Variants in LRP2 observed in about 807,000 individuals in gnomAD.
LRP2 encodes LDL receptor related protein 2, also known as low-density lipoprotein receptor-related protein 2.
A neutral mutation model predicts 531.0 loss-of-function variants in LRP2; 172 were observed. That is an observed-to-expected ratio of 0.32 (90% CI 0.29 to 0.37). LRP2 has a LOEUF of 0.37. Among genes scored for constraint, LRP2 ranks in the 10% least tolerant of loss-of-function variants. The probability of loss-of-function intolerance (pLI) is 1.00; values close to 1 mark genes in which losing one functional copy is unlikely to be tolerated. For synonymous variants in LRP2, 1,992 were observed against 2,027.6 expected, an observed-to-expected ratio of 0.98 and a Z score of 0.47; for missense variants, 5,167 against 5,868.3, an observed-to-expected ratio of 0.88 and a Z score of 3.90.
At chr2:169,211,520 A>G (rs948438502) in intron 37 of LRP2, among the ~76,000 whole-genome samples, 2 of 152,224 alleles carry the variant, frequency 1.3e-5, no homozygotes, top group Admixed American at 1.3e-4. Flanking sequence ...ACCATATTAA[A>G]TAGTAGTATA....
intron 3 of LRP2, among the ~76,000 whole-genome samples, chr2:169,309,058 T>G (rs1016563646): frequency 1.3e-5 from 2 of 152,234 alleles, no homozygotes; most frequent in African/African-American, 4.8e-5. Context: ...TTGCCCACTT[T>G]TTGATGGGGT....
At chr2:169,323,407 C>A (rs760369155) in intron 1 of LRP2, among the ~76,000 whole-genome samples, 24 of 152,140 alleles carry the variant, frequency 1.6e-4, no homozygotes, top group Admixed American at 6.5e-5. Flanking sequence ...GAAGCTCATT[C>A]TCTCATAAAG....
At position 169,212,956 on chromosome 2, in the gene LRP2, AAATT is replaced by A. The variant is rs1461525183; in HGVS notation, c.6040+697_6040+700del. Among the ~76,000 whole-genome samples, 5 of 151,504 alleles carry A rather than the reference AAATT, an allele frequency of 3.3e-5. 1 individual carries two copies. Among genetic ancestry groups the A allele is most frequent in the Admixed American group, 3.3e-4 (5 of 15,262 alleles). The stretch of plus-strand genomic sequence containing the variant: ...AAAGAATATTCTTTATAGTAATAAA[AAATT>A]AATTTCTATTGCATGTGTTTCTTTC... On this transcript the variant is annotated intron_variant, in intron 36 of 78. Transcript: ENST00000649046.
Position 169,318,875 on chromosome 2 carries a change from G to C in LRP2, c.197C>G (p.Thr66Ser). The C allele has an allele frequency of 6.2e-7, 1 of 1,614,076 alleles. No individual in the cohort carries two copies. The highest frequency in any genetic ancestry group is 8.5e-7 in the Non-Finnish European group (1 of 1,179,990). Residue 66 changes from threonine to serine, a missense_variant, in exon 3 of 79, where the codon ACC becomes AGC. By Grantham distance (58) the Thr-to-Ser change is moderately conservative. Around this residue, in one of 6 missense-constraint regions of LRP2, gnomAD observed 2,811 missense variants for 3,058.0 expected, o/e 0.92. Transcript: ENST00000649046. ...DADEIGCAVV[T>S]CQQGYFKCQS... ...GCACTTGAAATAGCCCTGCTGGCAG[G>C]TCACAACAGCTAAAACAAACCAAAA...
chr2:169,241,112 A>G lies in LRP2; in HGVS notation c.3921T>C (p.Thr1307=). ...GCCAACTAGGACAGCGAAAGGGCTG[A>G]GTAGGGCAGTCCTTCTCATCACTCA... ...GDMSDEKDCP[T]QPFRCPSWQW... The change falls in exon 25 of 79, where the codon ACT becomes ACC. Residue 1307 remains threonine (T), a synonymous_variant. Coordinates refer to ENST00000649046, the MANE Select transcript of LRP2 (RefSeq NM_004525.3). The G allele has an allele frequency of 6.2e-7, 1 of 1,614,016 alleles. No individual in the cohort carries two copies. Among genetic ancestry groups the G allele is most frequent in the Non-Finnish European group, 8.5e-7 (1 of 1,179,938 alleles).
chr2:169,272,317 G>T (rs142181317), intron 15 of LRP2, among the ~76,000 whole-genome samples: 13 of 152,186 alleles, frequency 8.5e-5, no homozygotes, highest in African/African-American at 3.1e-4. Context: ...AACCTTCAAG[G>T]TAAGAATGAA....
intron 28 of LRP2, 127 bp from the exon 29 acceptor site, chr2:169,236,195 A>T: frequency 1.3e-6 from 1 of 771,566 alleles, no homozygotes; most frequent in Admixed American, 2.1e-5. Flanking sequence ...TTCAGAATAT[A>T]TTCACAGAGT....
At chr2:169,313,464 G>A (rs1045880275) in intron 3 of LRP2, among the ~76,000 whole-genome samples, 20 of 152,150 alleles carry the variant, frequency 1.3e-4, no homozygotes, top group Non-Finnish European at 2.8e-4. Context: ...GTTGGAGTTT[G>A]CTGGAGGTCC....
intron 54 of LRP2, among the ~76,000 whole-genome samples, chr2:169,176,088 C>T (rs939060400): frequency 2.6e-5 from 4 of 152,218 alleles, no homozygotes; most frequent in African/African-American, 4.8e-5. Flanking sequence ...AATTCTATTA[C>T]TTCTAGGGAC....
chr2:169,294,160 C>G lies in LRP2; in HGVS notation c.640G>C (p.Glu214Gln). 1 of 1,608,620 alleles carries G rather than the reference C, an allele frequency of 6.2e-7. No homozygotes were observed. The highest frequency in any genetic ancestry group is 8.5e-7 in the Non-Finnish European group (1 of 1,175,076). ...HDNDCQDGSD[E>Q]HACNYPTCGG... The stretch of plus-strand genomic sequence containing the variant: ...GAAATCACCGTACTGCAAGCATGTT[C>G]GTCACTGCCGTCTTGGCAATCATTG... The change falls in exon 6 of 79, where the codon GAA becomes CAA. Residue 214 changes from glutamate to glutamine, a missense_variant. Coordinates refer to ENST00000649046, the MANE Select transcript of LRP2 (RefSeq NM_004525.3).
chr2:169,225,889 G>A (rs1689184231), intron 32 of LRP2, among the ~76,000 whole-genome samples: 1 of 152,116 alleles, frequency 6.6e-6, no homozygotes, highest in African/African-American at 2.4e-5. Flanking sequence ...TGACCTCTGA[G>A]GAAGAGAACT....
intron 65 of LRP2, among the ~76,000 whole-genome samples, chr2:169,155,794 A>G (rs1388218787): frequency 2.0e-5 from 3 of 152,218 alleles, no homozygotes; most frequent in Admixed American, 1.3e-4. Context: ...GTCCATGAAC[A>G]ATACAAAAGG....
At chr2:169,245,598 A>C (rs1234599326) in intron 21 of LRP2, among the ~76,000 whole-genome samples, 2 of 152,062 alleles carry the variant, frequency 1.3e-5, no homozygotes, top group African/African-American at 4.8e-5. Flanking sequence ...ACTGTCCTCT[A>C]TCTTTTTTTT....
chr2:169,327,482 A>G (rs1462563138), intron 1 of LRP2, among the ~76,000 whole-genome samples: 4 of 73,662 alleles, frequency 5.4e-5, no homozygotes, highest in Admixed American at 2.8e-4. Flanking sequence ...TCTGGGAGGG[A>G]GGTGGGGGGG....
At chr2:169,316,066 C>T (rs1645916336) in intron 3 of LRP2, among the ~76,000 whole-genome samples, 1 of 150,034 alleles carries the variant, frequency 6.7e-6, no homozygotes, top group Non-Finnish European at 1.5e-5. Flanking sequence ...CATTTGAGCC[C>T]AGGAGGTCAA....
intron 1 of LRP2, among the ~76,000 whole-genome samples, chr2:169,345,508 G>A (rs1242356542): frequency 2.0e-5 from 3 of 152,106 alleles, no homozygotes; most frequent in Admixed American, 2.0e-4. Context: ...GGAGGGTGTG[G>A]CCACAAAGGA....
intron 77 of LRP2, among the ~76,000 whole-genome samples, chr2:169,130,491 TTGGCCAGGTTGGTCTTGAACTCCTGA>T (rs1685245790): frequency 6.6e-6 from 1 of 152,166 alleles, no homozygotes; most frequent in Admixed American, 6.5e-5. Flanking sequence ...TTTCACTATG[TTGGCCAGGTTGGTCTTGAACTCCTGA>T]TGTCATGATC....
At chr2:169,348,854 A>G (rs1685767188) in intron 1 of LRP2, among the ~76,000 whole-genome samples, 1 of 152,150 alleles carries the variant, frequency 6.6e-6, no homozygotes, top group Non-Finnish European at 1.5e-5. Flanking sequence ...CGAGAGAAAC[A>G]GCGTTGCTAA....
chr2:169,163,149 G>C (rs1310504972), intron 62 of LRP2, among the ~76,000 whole-genome samples: 2 of 152,162 alleles, frequency 1.3e-5, no homozygotes, highest in African/African-American at 2.4e-5. Flanking sequence ...ATCATGTTAT[G>C]CAAAGTCAAA....
Sources: gnomAD v4.1 joint callset for allele counts (sites outside exome capture counted in the v4.1 genomes callset) on GRCh38, gnomAD v4.1.1 for gene constraint, gnomAD v4.1.1 regional missense constraint, MANE v1.5 for transcripts, NCBI Gene and HGNC (gene_info 2026-07-23, HGNC 2026-07-21) for gene names.